Variants in MAPK14 observed in about 807,000 individuals in gnomAD.
The protein encoded by MAPK14 is mitogen-activated protein kinase 14.
A neutral mutation model predicts 49.6 loss-of-function variants in MAPK14; 16 were observed. That is an observed-to-expected ratio of 0.32 (90% CI 0.22 to 0.49). The LOEUF (loss-of-function observed/expected upper bound fraction) is 0.49, where lower values mean the gene tolerates loss of function less well. Ranked by LOEUF, MAPK14 falls within the 20% of genes least tolerant of loss-of-function variation. MAPK14 has a pLI of 0.99. For missense variants in MAPK14, 200 were observed against 441.2 expected, an observed-to-expected ratio of 0.45 and a Z score of 4.90; for synonymous variants, 142 against 158.0, an observed-to-expected ratio of 0.90 and a Z score of 0.76.
intron 3 of MAPK14, among the ~76,000 whole-genome samples, chr6:36,062,662 CT>C (rs67561112): frequency 5.1e-4 from 67 of 132,396 alleles, no homozygotes; most frequent in Admixed American, 1.3e-3. Context: ...TTTTTCTTTT[CT>C]TTTTTTTTTT....
downstream of MAPK14, among the ~76,000 whole-genome samples, chr6:36,112,554 C>T (rs1765993246): frequency 6.6e-6 from 1 of 152,156 alleles, no homozygotes. Context: ...ATAATTTTCT[C>T]ATTTGATTTT....
At chr6:36,076,141 A>G in intron 7 of MAPK14, among the ~76,000 whole-genome samples, 179 bp downstream of exon 7, 1 of 152,210 alleles carries the variant, frequency 6.6e-6, no homozygotes, top group East Asian at 1.9e-4. Context: ...GGTTTTATAC[A>G]CAGCTTTTAA....
intron 8 of MAPK14, 32 bp downstream of exon 8, chr6:36,076,640 C>G: frequency 6.5e-7 from 1 of 1,533,432 alleles, no homozygotes; most frequent in Non-Finnish European, 9.0e-7. Flanking sequence ...ATTCTTGTTT[C>G]TTATCTGTAT....
At chr6:36,093,589 G>C (rs144319186) in intron 8 of MAPK14, among the ~76,000 whole-genome samples, 2,082 of 152,058 alleles carry the variant, frequency 0.014, 56 homozygotes, top group African/African-American at 0.047. Context: ...TGTGGTGGCA[G>C]GCGCCTGTAG....
chr6:36,121,300 A>G, the MAPK14 span, among the ~76,000 whole-genome samples: 1 of 152,186 alleles, frequency 6.6e-6, no homozygotes, highest in African/African-American at 2.4e-5. Flanking sequence ...ACTGAGAGCT[A>G]CCGGGGGTGG....
intron 1 of MAPK14, among the ~76,000 whole-genome samples, chr6:36,051,888 A>G (rs1209554237): frequency 6.6e-6 from 1 of 152,042 alleles, no homozygotes; most frequent in Non-Finnish European, 1.5e-5. Flanking sequence ...CATTAATATT[A>G]TTATTATTTC....
intron 8 of MAPK14, among the ~76,000 whole-genome samples, chr6:36,086,814 C>G (rs985545907): frequency 6.6e-6 from 1 of 152,164 alleles, no homozygotes; most frequent in Non-Finnish European, 1.5e-5. Context: ...TATCCCAATA[C>G]CAAAGCCTGC....
At chr6:36,111,646 C>T (rs531023717), downstream of MAPK14, among the ~76,000 whole-genome samples, 2 of 152,224 alleles carry the variant, frequency 1.3e-5, no homozygotes, top group Non-Finnish European at 2.9e-5. Flanking sequence ...GGTCTCACAG[C>T]TGAGTTCTCA....
intron 1 of MAPK14, among the ~76,000 whole-genome samples, chr6:36,034,885 A>ATTTC (rs1335205190): frequency 2.9e-5 from 4 of 137,790 alleles, no homozygotes; most frequent in Admixed American, 7.2e-5. Flanking sequence ...TTCTCGCAAT[A>ATTTC]TTTCTTTCTT....
At chr6:36,051,657 T>C (rs1451428782) in intron 1 of MAPK14, among the ~76,000 whole-genome samples, 2 of 152,182 alleles carry the variant, frequency 1.3e-5, no homozygotes, top group Non-Finnish European at 2.9e-5. Context: ...GTCAGTAGCA[T>C]AAGCTCTGGA....
chr6:36,067,538 C>A (rs1043676719), intron 3 of MAPK14, among the ~76,000 whole-genome samples: 2 of 152,120 alleles, frequency 1.3e-5, no homozygotes, highest in Non-Finnish European at 2.9e-5. Context: ...AGTGCTCTCT[C>A]CTTTGACTAG....
chr6:36,115,413 A>G (rs561074011), downstream of MAPK14, among the ~76,000 whole-genome samples: 1 of 152,368 alleles, frequency 6.6e-6, no homozygotes, highest in South Asian at 2.1e-4. Flanking sequence ...GGTGAAATTC[A>G]TAGATAATTC....
At chr6:36,038,908 T>A (rs1463488232) in intron 1 of MAPK14, among the ~76,000 whole-genome samples, 1 of 152,196 alleles carries the variant, frequency 6.6e-6, no homozygotes, top group Non-Finnish European at 1.5e-5. Flanking sequence ...TTGGATCATG[T>A]TTTAAAAGTC....
At chr6:36,115,772 T>C (rs1232459351), downstream of MAPK14, among the ~76,000 whole-genome samples, 1 of 151,640 alleles carries the variant, frequency 6.6e-6, no homozygotes, top group Non-Finnish European at 1.5e-5. Flanking sequence ...TAGTACAAGA[T>C]AGAAAAATTA....
intron 2 of MAPK14, among the ~76,000 whole-genome samples, chr6:36,057,716 C>G (rs542970315): frequency 2.0e-5 from 3 of 150,614 alleles, no homozygotes; most frequent in Admixed American, 2.0e-4. Flanking sequence ...GAAACTCTGT[C>G]TCAAAGAAAA....
intron 4 of MAPK14, among the ~76,000 whole-genome samples, chr6:36,073,485 A>C (rs1450731032): frequency 6.6e-6 from 1 of 152,220 alleles, no homozygotes; most frequent in East Asian, 1.9e-4. Context: ...CAGAAAATAG[A>C]TTAAAAGCTC....
At chr6:36,052,886 G>C (rs969334346) in intron 2 of MAPK14, 58 bp downstream of exon 2, 4 of 1,498,940 alleles carry the variant, frequency 2.7e-6, no homozygotes, top group African/African-American at 2.8e-5. Context: ...GGGGAAAAAT[G>C]TTTTAATTAC....
chr6:36,074,633 T>G (rs921463710), intron 6 of MAPK14, among the ~76,000 whole-genome samples: 2 of 152,058 alleles, frequency 1.3e-5, no homozygotes, highest in Admixed American at 6.5e-5. Context: ...TCCTTTTTTT[T>G]GGGATGCAGT....
intron 2 of MAPK14, among the ~76,000 whole-genome samples, chr6:36,055,459 G>A (rs1763557598): frequency 6.6e-6 from 1 of 152,050 alleles, no homozygotes; most frequent in Non-Finnish European, 1.5e-5. Context: ...ATATTTGCCA[G>A]GCTTTGGACC....
Sources: gnomAD v4.1 joint callset for allele counts (sites outside exome capture counted in the v4.1 genomes callset) on GRCh38, gnomAD v4.1.1 for gene constraint, MANE v1.5 for transcripts, NCBI Gene and HGNC (gene_info 2026-07-23, HGNC 2026-07-21) for gene names.